SMARCAD1: variants seen among roughly 807,000 people sequenced by gnomAD.
SMARCAD1 encodes the protein SNF2 related chromatin remodeling ATPase with DExD box 1, also known as SWI/SNF-related matrix-associated actin-dependent regulator of chromatin subfamily A containing DEAD/H box 1.
SMARCAD1 carries 25 observed loss-of-function variants against 127.1 expected under a neutral mutation model. That is an observed-to-expected ratio of 0.20 (90% CI 0.14 to 0.27). The LOEUF is 0.27. SMARCAD1 is among the 10% of genes least tolerant of loss of function. SMARCAD1 has a pLI of 1.00. For synonymous variants in SMARCAD1, 400 were observed against 396.9 expected (o/e 1.01, Z -0.09); for missense variants, 807 against 1,206.0 (o/e 0.67, Z 4.90).
At chr4:94,234,356 T>C (rs1248621776) in intron 4 of SMARCAD1, among the ~76,000 whole-genome samples, 2 of 152,170 alleles carry the variant, frequency 1.3e-5, no homozygotes, top group Non-Finnish European at 2.9e-5. Flanking sequence ...ATAGCGAACA[T>C]AGGTTGTGAG....
intron 11 of SMARCAD1, among the ~76,000 whole-genome samples, chr4:94,272,451 A>G (rs1342026140): frequency 1.3e-5 from 2 of 152,202 alleles, no homozygotes; most frequent in African/African-American, 4.8e-5. Flanking sequence ...TTTTACATAT[A>G]TGTACACCCA....
chr4:94,281,621 AT>A lies in SMARCAD1; in HGVS notation c.2726+32del, dbSNP rs200193701. The A allele has an allele frequency of 1.6e-3, 2,126 of 1,298,524 alleles. 12 individuals carry two copies. The African/African-American group carries it at 0.026, about 16-fold the overall frequency. The allele number at this position is 1,298,524 out of a possible 1,614,324, so 80.4% of individuals were successfully genotyped here. ...TATAATTCATGTTAGTTACAAAAAA[AT>A]AACTCATTTATTATTATTGTTAGGA... On this transcript the variant is annotated intron_variant, in intron 21 of 23. Transcript: ENST00000354268.
At chr4:94,234,904 T>C (rs779458361) in intron 4 of SMARCAD1, among the ~76,000 whole-genome samples, 5 of 152,188 alleles carry the variant, frequency 3.3e-5, no homozygotes, top group Admixed American at 6.5e-5. Context: ...GAGACTAGTA[T>C]ACTATAGAGT....
chr4:94,289,285 G>C (rs1489752170), intron 23 of SMARCAD1, among the ~76,000 whole-genome samples, 188 bp from the exon 24 acceptor site: 4 of 151,988 alleles, frequency 2.6e-5, no homozygotes, highest in Non-Finnish European at 5.9e-5. Context: ...ATATGAACAA[G>C]AACATAGAGG....
chr4:94,245,039 AT>A (rs2125896880), intron 6 of SMARCAD1, among the ~76,000 whole-genome samples: 1 of 152,348 alleles, frequency 6.6e-6, no homozygotes, highest in East Asian at 1.9e-4. Flanking sequence ...CTGGAGTAAT[AT>A]ACCGAGAGTG....
chr4:94,277,262 A>G, intron 16 of SMARCAD1, 103 bp downstream of exon 16: 8 of 1,329,308 alleles, frequency 6.0e-6, no homozygotes, highest in Non-Finnish European at 8.6e-6. Flanking sequence ...CATATGCTCT[A>G]TGAAGTAACT....
intron 9 of SMARCAD1, among the ~76,000 whole-genome samples, chr4:94,256,915 T>A (rs1484653908): frequency 6.6e-6 from 1 of 152,230 alleles, no homozygotes; most frequent in African/African-American, 2.4e-5. Flanking sequence ...CTTGGGATTC[T>A]GTCCTCAGGG....
At chr4:94,243,628 G>A (rs1419918259) in intron 6 of SMARCAD1, among the ~76,000 whole-genome samples, 2 of 152,174 alleles carry the variant, frequency 1.3e-5, no homozygotes, top group African/African-American at 4.8e-5. Flanking sequence ...AGAACGATTT[G>A]AGCATAATCC....
chr4:94,274,869 T>A, intron 13 of SMARCAD1, 21 bp from the exon 14 acceptor site: 1 of 1,602,670 alleles, frequency 6.2e-7, no homozygotes, highest in East Asian at 2.2e-5. Context: ...TAGTCATGTG[T>A]TTATTGTTTT....
rs766583041 is a variant in SMARCAD1 at position 94,234,008 on chromosome 4, A to T, written c.423A>T (p.Arg141Ser). The T allele has an allele frequency of 2.5e-6, 4 of 1,613,878 alleles. No homozygotes were observed. ...ESQGLPTMAR[R>S]NDDISELEDL... ...AAGGCCTTCCTACCATGGCACGTAG[A>T]AATGATGATATTTCAGAACTGGAAG... The change falls in exon 4 of 24, where the codon AGA (arginine) becomes AGT (serine). Residue 141 changes from arginine to serine, a missense_variant. Physicochemically the swap from Arg to Ser is moderately radical, Grantham distance 110. Transcript: ENST00000354268.
intron 10 of SMARCAD1, 59 bp downstream of exon 10, chr4:94,264,965 T>C: frequency 6.6e-7 from 1 of 1,507,204 alleles, no homozygotes; most frequent in East Asian, 2.4e-5. Context: ...AATATCTGAA[T>C]TTATTTCTGT....
At chr4:94,216,484 C>T (rs1743211963) in intron 2 of SMARCAD1, among the ~76,000 whole-genome samples, 1 of 152,018 alleles carries the variant, frequency 6.6e-6, no homozygotes, top group Non-Finnish European at 1.5e-5. Context: ...AGAAAATTTA[C>T]CATCTCAACC....
chr4:94,234,171 G>C, intron 4 of SMARCAD1, 49 bp downstream of exon 4: 1 of 1,497,030 alleles, frequency 6.7e-7, no homozygotes, highest in Admixed American at 2.0e-5. Flanking sequence ...AATCTCTCCT[G>C]CATTCAGTGC....
chr4:94,212,647 C>T (rs559346711), intron 2 of SMARCAD1, among the ~76,000 whole-genome samples: 51 of 151,940 alleles, frequency 3.4e-4, no homozygotes, highest in Non-Finnish European at 5.7e-4. Context: ...CCACCACAGC[C>T]GGCTAATTTT....
Position 94,280,616 on chromosome 4 carries a change from C to T in SMARCAD1, c.2443C>T (p.Pro815Ser), listed in dbSNP as rs138326521. ...GGAACCTACACATTGTGAGGCTAAC[C>T]CTGACCTGATCTTTGAAGATATGGA... ...LKEPTHCEAN[P>S]DLIFEDMEVM... The change falls in exon 20 of 24, where the codon CCT becomes TCT. Residue 815 changes from proline (P) to serine (S), a missense_variant. Pro to Ser is a moderately conservative substitution (Grantham distance 74). Coordinates refer to ENST00000354268, the MANE Select transcript of SMARCAD1 (RefSeq NM_020159.5). The T allele has an allele frequency of 3.7e-6, 6 of 1,613,402 alleles. No individual in the cohort carries two copies. Among genetic ancestry groups the T allele is most frequent in the African/African-American group, 2.7e-5 (2 of 74,916 alleles).
intron 5 of SMARCAD1, among the ~76,000 whole-genome samples, chr4:94,239,718 A>G (rs1329295457): frequency 6.6e-6 from 1 of 151,998 alleles, no homozygotes; most frequent in Non-Finnish European, 1.5e-5. Context: ...GACTACAGGC[A>G]TGCACCACCA....
chr4:94,264,971 T>A, intron 10 of SMARCAD1, 65 bp downstream of exon 10: 1 of 1,485,784 alleles, frequency 6.7e-7, no homozygotes, highest in Non-Finnish European at 9.2e-7. Context: ...TGAATTTATT[T>A]CTGTATCGTG....
At chr4:94,278,212 C>T (rs1262979855) in intron 16 of SMARCAD1, among the ~76,000 whole-genome samples, 2 of 152,110 alleles carry the variant, frequency 1.3e-5, no homozygotes, top group Non-Finnish European at 2.9e-5. Context: ...AACATGATTA[C>T]GTATCATAAA....
At chr4:94,254,250 A>G (rs1199993861) in intron 9 of SMARCAD1, among the ~76,000 whole-genome samples, 1 of 151,992 alleles carries the variant, frequency 6.6e-6, no homozygotes, top group Admixed American at 6.6e-5. Context: ...TGCCTGAGTG[A>G]TTTATTTGTT....
Sources: gnomAD v4.1 joint callset for allele counts (sites outside exome capture counted in the v4.1 genomes callset) on GRCh38, gnomAD v4.1.1 for gene constraint, MANE v1.5 for transcripts, NCBI Gene and HGNC (gene_info 2026-07-23, HGNC 2026-07-21) for gene names.